Variants in EYS observed in about 807,000 individuals in gnomAD.
EYS encodes protein eyes shut homolog.
In EYS, 250 loss-of-function variants were observed where a neutral mutation model predicts 282.1. That is an observed-to-expected ratio of 0.89 (90% CI 0.80 to 0.98). EYS has a LOEUF of 0.98. Ranked by LOEUF, EYS falls within the 50% of genes least tolerant of loss-of-function variation. The probability of loss-of-function intolerance (pLI) is 0.00; values close to 1 mark genes in which losing one functional copy is unlikely to be tolerated. For synonymous variants in EYS, 1,355 were observed against 1,282.9 expected (o/e 1.06, Z -1.20); for missense variants, 4,016 against 3,709.0 (o/e 1.08, Z -2.15).
chr6:64,626,278 A>G (rs1471819295), intron 22 of EYS, 33 bp from the exon 23 acceptor site: 1 of 1,516,930 alleles, frequency 6.6e-7, no homozygotes, highest in Non-Finnish European at 8.8e-7. Flanking sequence ...ATATTTGTAT[A>G]TATTATACAC....
At chr6:64,745,413 T>A (rs1394827512) in intron 22 of EYS, among the ~76,000 whole-genome samples, 4 of 152,158 alleles carry the variant, frequency 2.6e-5, no homozygotes, top group Non-Finnish European at 5.9e-5. Flanking sequence ...TTTATTAAAG[T>A]GAAATTTATA....
In EYS at chr6:65,640,068, GTAAT is replaced by G. The variant is rs559909278; in HGVS notation, c.-447-180_-447-177del. Among the ~76,000 whole-genome samples, 230 of 152,174 alleles carry G rather than the reference GTAAT, an allele frequency of 1.5e-3. 1 individual carries two copies. The highest frequency in any genetic ancestry group is 5.5e-3 in the African/African-American group (229 of 41,512). ...TGTAATTACTGAGAGAAATAAGATG[GTAAT>G]TAACTTTCAAAATGGGCAGTATACC... On this transcript the variant is annotated intron_variant, in intron 1 of 42. Transcript: ENST00000503581.
chr6:65,396,646 T>G, intron 7 of EYS, among the ~76,000 whole-genome samples: 1 of 152,154 alleles, frequency 6.6e-6, no homozygotes, highest in East Asian at 1.9e-4. Flanking sequence ...TGACACATAT[T>G]ATTGTAGGCT....
At chr6:64,312,224 G>A (rs773063018) in intron 29 of EYS, among the ~76,000 whole-genome samples, 6 of 152,094 alleles carry the variant, frequency 3.9e-5, no homozygotes, top group Admixed American at 1.3e-4. Flanking sequence ...TGAGGCTTGA[G>A]TAGGTGGTTT....
At chr6:64,468,767 G>T (rs770221076) in intron 26 of EYS, among the ~76,000 whole-genome samples, 2 of 152,132 alleles carry the variant, frequency 1.3e-5, no homozygotes, top group African/African-American at 2.4e-5. Flanking sequence ...TTGGTTTTCT[G>T]TTCCCGAGTT....
chr6:64,148,620 C>T (rs1774599965), intron 31 of EYS, among the ~76,000 whole-genome samples: 1 of 152,116 alleles, frequency 6.6e-6, no homozygotes, highest in Non-Finnish European at 1.5e-5. Context: ...CACTGACAGT[C>T]CTATAAAATC....
At chr6:64,989,816 A>ACACACACACT (rs939243337) in intron 14 of EYS, among the ~76,000 whole-genome samples, 1 of 148,680 alleles carries the variant, frequency 6.7e-6, no homozygotes, top group African/African-American at 2.5e-5. Flanking sequence ...ACACACACAC[A>ACACACACACT]CACACACACA....
intron 8 of EYS, among the ~76,000 whole-genome samples, chr6:65,359,022 C>T (rs1764599319): frequency 1.3e-5 from 2 of 151,986 alleles, no homozygotes; most frequent in South Asian, 4.1e-4. Flanking sequence ...ATCTATCTTA[C>T]TTTTGACAGT....
chr6:65,622,181 T>C (rs953594768), intron 2 of EYS, among the ~76,000 whole-genome samples: 5 of 152,168 alleles, frequency 3.3e-5, no homozygotes, highest in Admixed American at 6.5e-5. Context: ...TTCTCCCCAG[T>C]TGGTTAATCC....
intron 22 of EYS, among the ~76,000 whole-genome samples, chr6:64,709,503 T>C (rs1274848215): frequency 1.3e-5 from 2 of 152,196 alleles, no homozygotes; most frequent in East Asian, 1.9e-4. Flanking sequence ...TTATTTATAT[T>C]CAATAGGCTA....
chr6:65,030,955 A>T (rs1220031637), intron 13 of EYS, among the ~76,000 whole-genome samples: 1 of 152,070 alleles, frequency 6.6e-6, no homozygotes, highest in Non-Finnish European at 1.5e-5. Flanking sequence ...AGATGGAGAA[A>T]ATTCTACAAG....
In EYS at chr6:65,618,581, G is replaced by A. The variant is rs563657987; in HGVS notation, c.-333+21197C>T. ...AATTAGATCCCATTTGTCAATTTTG[G>A]CTTTTGTTGCCATTGCTTTTGGTGT... On this transcript the variant is annotated intron_variant, in intron 2 of 42. Transcript: ENST00000503581. 2.7e-4 allele frequency among the ~76,000 whole-genome samples: 41 copies of A among 152,218 alleles called. No individual in the cohort carries two copies. In the South Asian group the frequency reaches 8.3e-3, roughly 31 times the overall value.
At chr6:63,945,623 C>G (rs577805326) in intron 35 of EYS, among the ~76,000 whole-genome samples, 97 of 152,242 alleles carry the variant, frequency 6.4e-4, no homozygotes, top group African/African-American at 2.3e-3. Context: ...GCAACTATTA[C>G]TGAGTTAAGT....
At position 65,506,998 on chromosome 6, in the gene EYS, G is replaced by GAAAATTAATAAAAAAAGAA. The variant is rs1766685112; in HGVS notation, c.-332-11006_-332-11005insTTCTTTTTTTATTAATTTT. On this transcript the variant is annotated intron_variant, in intron 2 of 42. Coordinates refer to ENST00000503581, the MANE Select transcript of EYS (RefSeq NM_001142800.2). ...TATAACTATTAATAAGGAAAAGAAGGCATTTTGTTTTATCTTTATTTATTC... is the reference window on the plus strand; with the variant it reads ...TATAACTATTAATAAGGAAAAGAAGGAAAATTAATAAAAAAAGAACATTTTGTTTTATCTTTATTTATTC... Among the ~76,000 whole-genome samples the GAAAATTAATAAAAAAAGAA allele has an allele frequency of 2.6e-5, 4 of 152,090 alleles. No individual in the cohort carries two copies. In the South Asian group the frequency reaches 8.3e-4, roughly 32 times the overall value.
At chr6:63,737,565 C>T (rs1479742217) in intron 41 of EYS, among the ~76,000 whole-genome samples, 3 of 151,750 alleles carry the variant, frequency 2.0e-5, no homozygotes, top group African/African-American at 7.3e-5. Flanking sequence ...TGGTTGTGTC[C>T]CTGCCCGGCT....
At chr6:64,679,290 G>A (rs960118633) in intron 22 of EYS, among the ~76,000 whole-genome samples, 8 of 151,934 alleles carry the variant, frequency 5.3e-5, no homozygotes, top group African/African-American at 1.7e-4. Context: ...TTAGAAAAAA[G>A]GCTGCATAGC....
At chr6:64,689,636 G>C (rs1209571436) in intron 22 of EYS, among the ~76,000 whole-genome samples, 1 of 151,952 alleles carries the variant, frequency 6.6e-6, no homozygotes, top group Non-Finnish European at 1.5e-5. Context: ...GAGATATAGG[G>C]CAATGGAACA....
chr6:65,567,426 G>A (rs1427011146), intron 2 of EYS, among the ~76,000 whole-genome samples: 5 of 151,302 alleles, frequency 3.3e-5, no homozygotes, highest in Non-Finnish European at 7.4e-5. Context: ...ATAAATTGAT[G>A]TTTATTAAAT....
At chr6:64,614,942 C>T (rs1342069334) in intron 24 of EYS, among the ~76,000 whole-genome samples, 1 of 152,096 alleles carries the variant, frequency 6.6e-6, no homozygotes, top group African/African-American at 2.4e-5. Flanking sequence ...AATACTGCAA[C>T]GTCCAGTGTT....
Sources: gnomAD v4.1 joint callset for allele counts (sites outside exome capture counted in the v4.1 genomes callset) on GRCh38, gnomAD v4.1.1 for gene constraint, MANE v1.5 for transcripts, NCBI Gene and HGNC (gene_info 2026-07-23, HGNC 2026-07-21) for gene names.